The following CEP350 variants were observed in gnomAD, a reference collection of about 807,000 sequenced individuals.
CEP350 encodes centrosomal protein 350, also known as centrosome-associated protein 350.
Under a neutral mutation model 331.8 loss-of-function variants are expected in CEP350, and 126 were observed. That is an observed-to-expected ratio of 0.38 (90% CI 0.33 to 0.44). The LOEUF (loss-of-function observed/expected upper bound fraction) is 0.44. Ranked by LOEUF, CEP350 falls within the 20% of genes least tolerant of loss-of-function variation. The pLI is 1.00. For synonymous variants in CEP350, 1,200 were observed against 1,259.5 expected (o/e 0.95, Z 1.00); for missense variants, 3,406 against 3,634.6 (o/e 0.94, Z 1.62).
chr1:179,996,470 C>T lies in CEP350; in HGVS notation c.396-83C>T, dbSNP rs549124086. The stretch of plus-strand genomic sequence containing the variant: ...CATTCTTATTTTTTTGTGGTGAGAA[C>T]ACTTAAAATCTACTCTTAGCAATTT... On this transcript the variant is annotated intron_variant, in intron 5 of 37. Transcript: ENST00000367607. The T allele has an allele frequency of 1.4e-5, 14 of 969,654 alleles. No homozygotes were observed. The African/African-American group carries it at 2.1e-4, about 15-fold the overall frequency. The allele number at this position is 969,654 out of a possible 1,614,324, so 60.1% of individuals were successfully genotyped here. A position where few individuals can be genotyped will look rare whatever the true frequency, so the allele number is the denominator to read the frequency against.
intron 22 of CEP350, among the ~76,000 whole-genome samples, chr1:180,051,413 G>A (rs1233243471): frequency 6.6e-6 from 1 of 152,182 alleles, no homozygotes; most frequent in Admixed American, 6.5e-5. Flanking sequence ...CAACTAAAGA[G>A]TTGGAAAACA....
chr1:180,020,967 G>A lies in CEP350; in HGVS notation c.3193G>A (p.Val1065Ile), dbSNP rs759007512. ...EELAKGSPHS[V>I]INIFTKSYQL... The stretch of plus-strand genomic sequence containing the variant: ...ATTGGCAAAGGGAAGTCCACATAGC[G>A]TCATTAATATTTTTACAAAATCCTA... Residue 1065 changes from valine to isoleucine, a missense_variant, in exon 12 of 38, where the codon GTC (valine) becomes ATC (isoleucine). Physicochemically the swap from Val to Ile is conservative, Grantham distance 29. Around this residue, in one of 5 missense-constraint regions of CEP350, gnomAD observed 1,857 missense variants for 1,909.2 expected, o/e 0.97. Coordinates refer to ENST00000367607, the MANE Select transcript of CEP350 (RefSeq NM_014810.5). 22 of 1,575,118 alleles carry A rather than the reference G, an allele frequency of 1.4e-5. No individual in the cohort carries two copies. Among genetic ancestry groups the A allele is most frequent in the African/African-American group, 4.1e-5 (3 of 72,566 alleles).
chr1:179,990,664 T>A, intron 4 of CEP350, 43 bp downstream of exon 4: 3 of 1,091,622 alleles, frequency 2.7e-6, no homozygotes, highest in African/African-American at 1.6e-5. Context: ...ATATTAAATA[T>A]AAATTTTGAC....
At chr1:180,110,313 T>G (rs1392225759) in intron 37 of CEP350, among the ~76,000 whole-genome samples, 1 of 152,206 alleles carries the variant, frequency 6.6e-6, no homozygotes, top group Non-Finnish European at 1.5e-5. Flanking sequence ...CAACACACAT[T>G]CAGTAGAAAC....
chr1:179,963,913 G>T (rs920526708), intron 1 of CEP350, among the ~76,000 whole-genome samples: 21 of 152,086 alleles, frequency 1.4e-4, no homozygotes, highest in African/African-American at 4.8e-4. Flanking sequence ...GTTTTGGGCA[G>T]TATGGTCATT....
At position 180,110,935 on chromosome 1, in the gene CEP350, A is replaced by G. The variant is rs533717091; in HGVS notation, c.9190-62A>G. 2.8e-5 allele frequency: 40 copies of G among 1,433,714 alleles called. No individual in the cohort carries two copies. In the East Asian group the frequency reaches 7.3e-4, roughly 26 times the overall value. 88.8% of individuals were successfully genotyped at this position (1,433,714 alleles called of 1,614,324 possible). A position where few individuals can be genotyped will look rare whatever the true frequency, so the allele number is the denominator to read the frequency against. On this transcript the variant is annotated intron_variant, in intron 37 of 37. Coordinates refer to ENST00000367607, the MANE Select transcript of CEP350 (RefSeq NM_014810.5). The stretch of plus-strand genomic sequence containing the variant: ...TATGGATAGGACTACAAAGTCAGCA[A>G]TTATATTTTCTAGCTTTTGTATGAC...
intron 5 of CEP350, 102 bp downstream of exon 5, chr1:179,992,323 T>G (rs184929593): frequency 1.0e-4 from 96 of 928,132 alleles, no homozygotes; most frequent in Non-Finnish European, 8.9e-6. Context: ...ACTCTGGTTG[T>G]GAAATAGTAT....
chr1:180,048,482 A>G (rs1010622456), intron 21 of CEP350, 54 bp from the exon 22 acceptor site: 3 of 1,196,160 alleles, frequency 2.5e-6, no homozygotes, highest in African/African-American at 3.1e-5. Context: ...CTTTGAAGCT[A>G]TAATCCTTAT....
At chr1:179,984,008 T>G (rs1652471450) in intron 1 of CEP350, among the ~76,000 whole-genome samples, 1 of 152,212 alleles carries the variant, frequency 6.6e-6, no homozygotes, top group Non-Finnish European at 1.5e-5. Context: ...CTTAAGATAT[T>G]TATGAAACAG....
At chr1:180,086,646 C>G (rs967755617) in intron 31 of CEP350, among the ~76,000 whole-genome samples, 1 of 152,008 alleles carries the variant, frequency 6.6e-6, no homozygotes, top group African/African-American at 2.4e-5. Flanking sequence ...ATATGTATAG[C>G]TTTCAGATCT....
intron 5 of CEP350, among the ~76,000 whole-genome samples, chr1:179,992,671 T>G (rs1220808357): frequency 2.6e-5 from 4 of 152,174 alleles, no homozygotes; most frequent in African/African-American, 9.7e-5. Context: ...TGAGTTGATT[T>G]ATTGTTTTAT....
intron 14 of CEP350, among the ~76,000 whole-genome samples, chr1:180,025,138 ATGG>A (rs1655586272): frequency 1.3e-5 from 2 of 152,058 alleles, no homozygotes; most frequent in Admixed American, 1.3e-4. Flanking sequence ...GTTAGCCAGG[ATGG>A]TCTCGATCTC....
At chr1:180,019,402 A>C (rs1267781987) in intron 11 of CEP350, among the ~76,000 whole-genome samples, 1 of 152,164 alleles carries the variant, frequency 6.6e-6, no homozygotes, top group African/African-American at 2.4e-5. Context: ...AATTTTTTAC[A>C]AGTATTAATA....
Position 180,003,263 on chromosome 1 carries a change from C to G in CEP350, c.1108C>G (p.Arg370Gly), listed in dbSNP as rs1259951716. 6.2e-7 allele frequency: 1 copy of G among 1,610,594 alleles called. No individual in the cohort carries two copies. Among genetic ancestry groups the G allele is most frequent in the Non-Finnish European group, 8.5e-7 (1 of 1,177,992 alleles). The change falls in exon 7 of 38, where the codon CGA becomes GGA. Residue 370 changes from arginine to glycine, a missense_variant. This residue lies in a region of CEP350 where 1,857 missense variants were observed against 1,909.2 expected (regional missense o/e 0.97). Coordinates refer to ENST00000367607, the MANE Select transcript of CEP350 (RefSeq NM_014810.5). ...EFQNMSRELY[R>G]DLALHFADDI... ...TCAAAACATGAGTAGAGAACTGTAT[C>G]GAGATTTAGCACTTCACTTTGCAGG...
rs1656887707 is a variant in CEP350, at chr1:180,043,256, A to G, written c.4499+64A>G. The G allele has an allele frequency of 5.3e-6, 8 of 1,503,636 alleles. No individual in the cohort carries two copies. The Middle Eastern group carries it at 6.9e-4, about 131-fold the overall frequency. The allele number at this position is 1,503,636 out of a possible 1,614,324, so 93.1% of individuals were successfully genotyped here. A position where few individuals can be genotyped will look rare whatever the true frequency, so the allele number is the denominator to read the frequency against. ...CTGTTAGGTTAATATTCATTCAGCA[A>G]ATATGTAATGAGTATTTGTTGTTAT... is the stretch of plus-strand genomic sequence containing the variant. On this transcript the variant is annotated intron_variant, in intron 20 of 37. Coordinates refer to ENST00000367607, the MANE Select transcript of CEP350 (RefSeq NM_014810.5).
chr1:180,087,512 A>G (rs1659937673), intron 31 of CEP350, 66 bp from the exon 32 acceptor site: 1 of 1,383,658 alleles, frequency 7.2e-7, no homozygotes, highest in South Asian at 1.5e-5. Flanking sequence ...AAAATATACT[A>G]TTTTATAATT....
intron 24 of CEP350, 29 bp from the exon 25 acceptor site, chr1:180,054,386 T>G (rs1312661188): frequency 2.0e-6 from 3 of 1,500,866 alleles, no homozygotes; most frequent in Non-Finnish European, 2.7e-6. Context: ...TAATCAAATC[T>G]TTGTCTCAAT....
At chr1:180,100,780 G>C (rs1056995682) in intron 37 of CEP350, among the ~76,000 whole-genome samples, 4 of 152,178 alleles carry the variant, frequency 2.6e-5, no homozygotes, top group African/African-American at 9.7e-5. Flanking sequence ...CATGGCAGCA[G>C]TAAGAGAAAA....
chr1:180,006,608 A>C, intron 8 of CEP350, 41 bp downstream of exon 8: 3 of 993,192 alleles, frequency 3.0e-6, no homozygotes, highest in Non-Finnish European at 4.6e-6. Flanking sequence ...TTTTGTTTTT[A>C]ATTAATGTTT....
Sources: allele counts gnomAD v4.1 joint callset (sites outside exome capture counted in the v4.1 genomes callset), GRCh38; gene constraint gnomAD v4.1.1; regional missense constraint gnomAD v4.1.1; transcripts MANE v1.5; gene names NCBI Gene and HGNC (gene_info 2026-07-23, HGNC 2026-07-21).